Variants in NAALADL2 observed in about 807,000 individuals in gnomAD.
The protein encoded by NAALADL2 is N-acetylated alpha-linked acidic dipeptidase like 2.
In NAALADL2, 76 loss-of-function variants were observed where a neutral mutation model predicts 87.2. That is an observed-to-expected ratio of 0.87 (90% CI 0.72 to 1.05). NAALADL2 has a LOEUF of 1.05. Ranked by LOEUF, NAALADL2 falls within the 50% of genes least tolerant of loss-of-function variation. NAALADL2 has a pLI of 0.00. For synonymous variants in NAALADL2, 354 were observed against 331.0 expected (o/e 1.07, Z -0.75); for missense variants, 1,089 against 945.8 (o/e 1.15, Z -1.99).
chr3:175,051,477 A>G (rs1293065890), intron 1 of NAALADL2, among the ~76,000 whole-genome samples: 1 of 152,148 alleles, frequency 6.6e-6, no homozygotes, highest in African/African-American at 2.4e-5. Context: ...TGGTTATAGA[A>G]CTGAGCCTCT....
intron 2 of NAALADL2, among the ~76,000 whole-genome samples, chr3:174,624,804 G>T (rs1228977250): frequency 1.3e-5 from 2 of 151,962 alleles, no homozygotes; most frequent in Non-Finnish European, 2.9e-5. Flanking sequence ...TTTTTTCAGT[G>T]CTGTTTATTT....
chr3:175,245,459 A>G (rs141099445), intron 3 of NAALADL2, among the ~76,000 whole-genome samples: 8 of 152,280 alleles, frequency 5.3e-5, no homozygotes, highest in Non-Finnish European at 1.2e-4. Context: ...AATAATTTTA[A>G]CTTTTTTTGT....
At chr3:174,787,601 A>ACATATATATATATATATG (rs1346232794) in intron 3 of NAALADL2, among the ~76,000 whole-genome samples, 6 of 91,208 alleles carry the variant, frequency 6.6e-5, no homozygotes, top group African/African-American at 2.3e-4. Flanking sequence ...ATATATATAT[A>ACATATATATATATATATG]TATATATATA....
intron 3 of NAALADL2, among the ~76,000 whole-genome samples, chr3:174,753,907 A>G (rs1051725123): frequency 1.3e-5 from 2 of 152,206 alleles, no homozygotes; most frequent in African/African-American, 4.8e-5. Context: ...AAGAGACATC[A>G]GAGCTCTCTT....
At chr3:175,031,631 A>G (rs1752810394) in intron 1 of NAALADL2, among the ~76,000 whole-genome samples, 1 of 152,058 alleles carries the variant, frequency 6.6e-6, no homozygotes, top group Admixed American at 6.6e-5. Context: ...TTGAGTATAT[A>G]CCCAGTAGTG....
chr3:175,558,145 A>C (rs1346425794), intron 9 of NAALADL2, among the ~76,000 whole-genome samples: 3 of 141,980 alleles, frequency 2.1e-5, no homozygotes, highest in Non-Finnish European at 4.5e-5. Context: ...TAGTGAGCTG[A>C]GATCACGCCA....
intron 1 of NAALADL2, among the ~76,000 whole-genome samples, chr3:174,923,590 A>G (rs1012083240): frequency 2.0e-5 from 3 of 152,170 alleles, no homozygotes; most frequent in African/African-American, 7.2e-5. Context: ...ATTTTTTAGA[A>G]CAAGTAAAAT....
At chr3:174,810,868 A>T (rs35045984) in intron 3 of NAALADL2, among the ~76,000 whole-genome samples, 1 of 152,018 alleles carries the variant, frequency 6.6e-6, no homozygotes, top group Admixed American at 6.6e-5. Context: ...GAGGCCTAAG[A>T]GGAAAGAATA....
At chr3:175,356,844 A>G (rs1764433968) in intron 5 of NAALADL2, among the ~76,000 whole-genome samples, 1 of 152,042 alleles carries the variant, frequency 6.6e-6, no homozygotes, top group Admixed American at 6.6e-5. Flanking sequence ...TTGGCCAAGC[A>G]TGTTTTTGTA....
intron 2 of NAALADL2, among the ~76,000 whole-genome samples, chr3:174,664,356 G>A (rs1344245241): frequency 6.6e-6 from 1 of 152,038 alleles, no homozygotes; most frequent in Non-Finnish European, 1.5e-5. Context: ...AGACAGATTG[G>A]GGCTAAACAA....
intron 5 of NAALADL2, among the ~76,000 whole-genome samples, chr3:175,350,597 G>T (rs1026262147): frequency 6.6e-6 from 1 of 152,110 alleles, no homozygotes; most frequent in African/African-American, 2.4e-5. Context: ...CCCACATTAG[G>T]CGTCTCTTTT....
chr3:174,517,341 A>G (rs1719996189), intron 1 of NAALADL2, among the ~76,000 whole-genome samples: 1 of 152,110 alleles, frequency 6.6e-6, no homozygotes. Flanking sequence ...TGCTTTCAGA[A>G]CAATTATCTT....
intron 1 of NAALADL2, among the ~76,000 whole-genome samples, chr3:174,522,384 A>C (rs968170571): frequency 6.6e-6 from 1 of 152,108 alleles, no homozygotes; most frequent in Non-Finnish European, 1.5e-5. Flanking sequence ...AAGAGACTGC[A>C]AGGGCTGAGC....
rs201786673 is a variant in NAALADL2, at chr3:175,126,856, C to CT, written c.545+29582dup. Reference sequence around the variant, plus strand: ...AGGGCATTCAACTTGTTCAAGCTACCTTTTTTTTTTTTTTTTTAAGAATGT... The same window carrying CT: ...AGGGCATTCAACTTGTTCAAGCTACCTTTTTTTTTTTTTTTTTTAAGAATGT... On this transcript the variant is annotated intron_variant, in intron 2 of 13. Coordinates refer to ENST00000454872, the MANE Select transcript of NAALADL2 (RefSeq NM_207015.3). Among the ~76,000 whole-genome samples, 937 of 140,290 alleles carry CT rather than the reference C, an allele frequency of 6.7e-3. 10 individuals are homozygous for CT. The highest frequency in any genetic ancestry group is 0.019 in the African/African-American group (727 of 38,336). 92.0% of individuals were successfully genotyped at this position (140,290 alleles called of 152,430 possible).
At chr3:174,608,804 C>A (rs1719429514) in intron 2 of NAALADL2, among the ~76,000 whole-genome samples, 1 of 150,552 alleles carries the variant, frequency 6.6e-6, no homozygotes, top group Non-Finnish European at 1.5e-5. Context: ...TCCTCCCTAA[C>A]TCATTTTATG....
intron 2 of NAALADL2, among the ~76,000 whole-genome samples, chr3:174,634,350 AATC>A (rs962306195): frequency 5.3e-5 from 8 of 152,134 alleles, no homozygotes. Flanking sequence ...CAATTTTAAA[AATC>A]ATCTAGTAAA....
At chr3:175,351,256 G>T (rs1277260861) in intron 5 of NAALADL2, among the ~76,000 whole-genome samples, 2 of 151,834 alleles carry the variant, frequency 1.3e-5, no homozygotes, top group Non-Finnish European at 2.9e-5. Flanking sequence ...AAATAGCTGT[G>T]CATTTCTCAA....
chr3:174,769,432 T>G (rs541839321), intron 3 of NAALADL2, among the ~76,000 whole-genome samples: 1 of 152,072 alleles, frequency 6.6e-6, no homozygotes, highest in Admixed American at 6.5e-5. Context: ...ACATGTAAAC[T>G]ACTTTTTATA....
intron 13 of NAALADL2, among the ~76,000 whole-genome samples, chr3:175,778,023 C>T (rs969415555): frequency 3.9e-5 from 6 of 152,300 alleles, no homozygotes; most frequent in African/African-American, 4.8e-5. Flanking sequence ...TATACCACTA[C>T]TATTGGCTGT....
Sources: gnomAD v4.1 joint callset for allele counts (sites outside exome capture counted in the v4.1 genomes callset) on GRCh38, gnomAD v4.1.1 for gene constraint, MANE v1.5 for transcripts, NCBI Gene and HGNC (gene_info 2026-07-23, HGNC 2026-07-21) for gene names.